CPNE8: variants seen among roughly 807,000 people sequenced by gnomAD.
CPNE8 encodes the protein copine-8.
A neutral mutation model predicts 81.5 loss-of-function variants in CPNE8; 45 were observed. The observed-to-expected ratio is 0.55, with a 90% CI of 0.44 to 0.71. The LOEUF (loss-of-function observed/expected upper bound fraction) is 0.71, where lower values mean the gene tolerates loss of function less well. Ranked by LOEUF, CPNE8 falls within the 30% of genes least tolerant of loss-of-function variation. CPNE8 has a pLI of 0.00. For missense variants in CPNE8, 594 were observed against 672.1 expected (o/e 0.88, Z 1.28); for synonymous variants, 252 against 226.3 (o/e 1.11, Z -1.02).
chr12:38,859,501 T>C (rs1228669747), intron 3 of CPNE8, among the ~76,000 whole-genome samples: 5 of 152,158 alleles, frequency 3.3e-5, no homozygotes, highest in Admixed American at 1.3e-4. Context: ...CTACCCAAAG[T>C]GATCTTGATC....
chr12:38,709,831 C>A (rs11169208), intron 13 of CPNE8, among the ~76,000 whole-genome samples: 5,940 of 152,166 alleles, frequency 0.039, 416 homozygotes, highest in African/African-American at 0.14. Context: ...TATAATCTAA[C>A]CTTGTTAGGT....
intron 6 of CPNE8, among the ~76,000 whole-genome samples, chr12:38,790,374 C>T (rs1285552526): frequency 3.3e-5 from 5 of 151,466 alleles, no homozygotes; most frequent in South Asian, 2.1e-4. Context: ...CACTTATTTG[C>T]GGGATCTAAA....
intron 1 of CPNE8, among the ~76,000 whole-genome samples, chr12:38,889,240 A>C (rs1176008105): frequency 6.6e-6 from 1 of 152,206 alleles, no homozygotes; most frequent in African/African-American, 2.4e-5. Flanking sequence ...TGTGCAGTGA[A>C]ATGTGGAATA....
At chr12:38,867,762 C>T (rs1943937522) in intron 3 of CPNE8, among the ~76,000 whole-genome samples, 1 of 152,078 alleles carries the variant, frequency 6.6e-6, no homozygotes, top group African/African-American at 2.4e-5. Flanking sequence ...AGGAGGTTTC[C>T]ACATTTTCAT....
At chr12:38,905,670 G>A, upstream of CPNE8, 1 of 1,475,776 alleles carries the variant, frequency 6.8e-7, no homozygotes, top group Non-Finnish European at 9.0e-7. Flanking sequence ...GCGCGGGATG[G>A]GGGAGGGAAG....
chr12:38,706,548 T>C (rs1247716545), intron 13 of CPNE8, among the ~76,000 whole-genome samples: 1 of 152,102 alleles, frequency 6.6e-6, no homozygotes, highest in East Asian at 1.9e-4. Flanking sequence ...AGTATATAAA[T>C]AACAAAATAA....
rs546129158 is a variant in CPNE8, at chr12:38,845,175, C to A, written c.290+3384G>T. 9.9e-5 allele frequency among the ~76,000 whole-genome samples: 15 copies of A among 152,214 alleles called. 1 individual carries two copies. The South Asian group carries it at 3.1e-3, about 32-fold the overall frequency. ...AAGTTTAACCTAGTAATTGCCACCC[C>A]TTACCAATCAGAGATCACCAGCTTC... On this transcript the variant is annotated intron_variant, in intron 4 of 19. Coordinates refer to ENST00000331366, the MANE Select transcript of CPNE8 (RefSeq NM_153634.3).
At chr12:38,722,724 A>G (rs1241914152) in intron 13 of CPNE8, among the ~76,000 whole-genome samples, 1 of 152,176 alleles carries the variant, frequency 6.6e-6, no homozygotes, top group African/African-American at 2.4e-5. Flanking sequence ...AAGACAACCA[A>G]TGCTTTTTTT....
At chr12:38,881,660 T>G (rs1009025313) in intron 1 of CPNE8, among the ~76,000 whole-genome samples, 3 of 152,194 alleles carry the variant, frequency 2.0e-5, no homozygotes, top group Non-Finnish European at 4.4e-5. Context: ...ACTGTAAAAT[T>G]TTTTATATTC....
chr12:38,684,930 C>A (rs994931337), intron 16 of CPNE8, among the ~76,000 whole-genome samples: 2 of 152,076 alleles, frequency 1.3e-5, no homozygotes, highest in African/African-American at 2.4e-5. Context: ...TTAACATTTT[C>A]TTCAGAACAT....
chr12:38,706,534 A>G (rs369080737), intron 13 of CPNE8, among the ~76,000 whole-genome samples: 115 of 152,292 alleles, frequency 7.6e-4, no homozygotes, highest in African/African-American at 2.5e-3. Context: ...CAAATATGTT[A>G]TCAAGTATAT....
intron 6 of CPNE8, among the ~76,000 whole-genome samples, chr12:38,780,769 A>G (rs1399176510): frequency 1.3e-5 from 2 of 152,108 alleles, no homozygotes; most frequent in African/African-American, 2.4e-5. Flanking sequence ...TATTCTAAAA[A>G]CAAGCATAAA....
At chr12:38,797,639 T>C (rs898417088) in intron 6 of CPNE8, among the ~76,000 whole-genome samples, 47 of 151,916 alleles carry the variant, frequency 3.1e-4, no homozygotes, top group Non-Finnish European at 5.3e-4. Flanking sequence ...AAAAGCAGAG[T>C]GCCTCTCCTC....
chr12:38,703,499 C>CA (rs1940005800), intron 13 of CPNE8, among the ~76,000 whole-genome samples: 1 of 152,098 alleles, frequency 6.6e-6, no homozygotes, highest in Non-Finnish European at 1.5e-5. Context: ...CAGCCAACAT[C>CA]ATACTGAATG....
intron 19 of CPNE8, among the ~76,000 whole-genome samples, chr12:38,655,728 G>A (rs1341121903): frequency 6.6e-6 from 1 of 152,070 alleles, no homozygotes; most frequent in African/African-American, 2.4e-5. Context: ...AGAAATCAAA[G>A]ATTAGGTATA....
At chr12:38,861,636 G>C (rs1309808594) in intron 3 of CPNE8, among the ~76,000 whole-genome samples, 2 of 151,944 alleles carry the variant, frequency 1.3e-5, no homozygotes, top group Non-Finnish European at 2.9e-5. Context: ...CAAACTTTTT[G>C]TCAGAAATGC....
intron 13 of CPNE8, among the ~76,000 whole-genome samples, chr12:38,713,529 G>C (rs908971410): frequency 6.6e-6 from 1 of 152,188 alleles, no homozygotes; most frequent in African/African-American, 2.4e-5. Flanking sequence ...AAATCTGAGA[G>C]AGACAGATGT....
chr12:38,775,407 AG>A (rs1211269394), intron 7 of CPNE8, among the ~76,000 whole-genome samples: 1 of 152,222 alleles, frequency 6.6e-6, no homozygotes, highest in Non-Finnish European at 1.5e-5. Flanking sequence ...CAAAATGTTA[AG>A]CTTTTGGTAT....
chr12:38,776,940 T>G (rs1340315786), intron 6 of CPNE8, among the ~76,000 whole-genome samples: 1 of 152,014 alleles, frequency 6.6e-6, no homozygotes, highest in Non-Finnish European at 1.5e-5. Context: ...TTGACAATGA[T>G]AGTAAACATC....
Sources: allele counts gnomAD v4.1 joint callset (sites outside exome capture counted in the v4.1 genomes callset), GRCh38; gene constraint gnomAD v4.1.1; transcripts MANE v1.5; gene names NCBI Gene and HGNC (gene_info 2026-07-23, HGNC 2026-07-21).